The following ADAMTSL1 variants were observed in gnomAD, a reference collection of about 807,000 sequenced individuals.
The protein encoded by ADAMTSL1 is ADAMTS-like protein 1.
ADAMTSL1 carries 126 observed loss-of-function variants against 201.8 expected under a neutral mutation model. The ratio of observed to expected loss-of-function variants is 0.62; its 90% CI spans 0.54 to 0.72. The LOEUF is 0.72. ADAMTSL1 is among the 30% of genes least tolerant of loss of function. The probability of loss-of-function intolerance (pLI) is 0.00; values close to 1 mark genes in which losing one functional copy is unlikely to be tolerated. For missense variants in ADAMTSL1, 2,679 were observed against 2,277.8 expected (o/e 1.18, Z -3.59); for synonymous variants, 1,121 against 903.4 (o/e 1.24, Z -4.32).
At chr9:18,304,825 T>A (rs910747373) in intron 2 of ADAMTSL1, among the ~76,000 whole-genome samples, 2 of 152,142 alleles carry the variant, frequency 1.3e-5, no homozygotes, top group South Asian at 2.1e-4. Flanking sequence ...ATTAGGAAAG[T>A]TTTTACTATA....
chr9:18,027,334 T>C (rs557080207), intron 1 of ADAMTSL1, among the ~76,000 whole-genome samples: 3 of 152,082 alleles, frequency 2.0e-5, no homozygotes, highest in Non-Finnish European at 4.4e-5. Flanking sequence ...TTCTAACTTC[T>C]TGATGTAGGT....
intron 2 of ADAMTSL1, among the ~76,000 whole-genome samples, chr9:18,319,698 G>A (rs994468964): frequency 6.6e-6 from 1 of 152,158 alleles, no homozygotes; most frequent in Non-Finnish European, 1.5e-5. Flanking sequence ...ATTTCACATG[G>A]AAGAACAACT....
At chr9:18,371,442 G>T (rs1037372679) in intron 2 of ADAMTSL1, among the ~76,000 whole-genome samples, 1 of 152,142 alleles carries the variant, frequency 6.6e-6, no homozygotes, top group Non-Finnish European at 1.5e-5. Context: ...AGACACAAGA[G>T]GGAGGTCTTT....
At chr9:17,992,108 G>C (rs542072933) in intron 1 of ADAMTSL1, among the ~76,000 whole-genome samples, 1 of 152,188 alleles carries the variant, frequency 6.6e-6, no homozygotes, top group Non-Finnish European at 1.5e-5. Flanking sequence ...TTTCTCACGG[G>C]CCATATAGAG....
chr9:18,254,948 A>C (rs1177869864), intron 2 of ADAMTSL1, among the ~76,000 whole-genome samples: 2 of 152,116 alleles, frequency 1.3e-5, no homozygotes, highest in Middle Eastern at 3.2e-3. Context: ...CAATTTTCCA[A>C]AGCCAGCTCA....
At chr9:18,089,064 A>T (rs1465034613) in intron 1 of ADAMTSL1, among the ~76,000 whole-genome samples, 1 of 152,236 alleles carries the variant, frequency 6.6e-6, no homozygotes, top group African/African-American at 2.4e-5. Flanking sequence ...TTTAAAAAGA[A>T]GAAAATGAAC....
chr9:17,947,497 T>G lies in ADAMTSL1; in HGVS notation c.87+40575T>G, dbSNP rs561834377. On this transcript the variant is annotated intron_variant, in intron 1 of 29. Transcript: ENST00000680146. ...ACTAGGATGCTGTATTCTACCAAAT[T>G]TTTGTTTTGTATTTGTATCACAAAA... is the stretch of plus-strand genomic sequence containing the variant. Among the ~76,000 whole-genome samples the G allele has an allele frequency of 3.9e-3, 590 of 152,212 alleles. 5 individuals are homozygous for G. The highest frequency in any genetic ancestry group is 0.037 in the South Asian group (178 of 4,826).
intron 1 of ADAMTSL1, among the ~76,000 whole-genome samples, chr9:18,090,807 A>G (rs942333124): frequency 5.3e-5 from 8 of 152,254 alleles, no homozygotes; most frequent in Non-Finnish European, 7.4e-5. Context: ...CCTGCTTGAC[A>G]TTTAAGACCC....
At chr9:18,255,182 G>A (rs566419392) in intron 2 of ADAMTSL1, among the ~76,000 whole-genome samples, 3 of 152,282 alleles carry the variant, frequency 2.0e-5, no homozygotes, top group South Asian at 4.1e-4. Flanking sequence ...TGTCCTGGCT[G>A]TCAAGGGATG....
rs758209178 is a variant in ADAMTSL1, at chr9:18,777,732, G to A, written c.3503G>A (p.Arg1168His). 2 of 1,613,548 alleles carry A rather than the reference G, an allele frequency of 1.2e-6. No homozygotes were observed. Among genetic ancestry groups the A allele is most frequent in the African/African-American group, 1.3e-5 (1 of 75,064 alleles). ...CCACACCGCAAGCCCACCATCCTGC[G>A]CAAGATCTCAGCGGCCCAGCAGCTC... ...RRPHRKPTIL[R>H]KISAAQQLSA... The change falls in exon 19 of 29, where the codon CGC becomes CAC. Residue 1168 changes from arginine (R) to histidine (H), a missense_variant. Transcript: ENST00000380548.
chr9:18,395,995 T>C (rs1817738364), intron 2 of ADAMTSL1, among the ~76,000 whole-genome samples: 1 of 152,198 alleles, frequency 6.6e-6, no homozygotes, highest in South Asian at 2.1e-4. Context: ...AAGGAAACCT[T>C]TGATGCTAAT....
At chr9:18,359,833 C>G (rs1009630733) in intron 2 of ADAMTSL1, among the ~76,000 whole-genome samples, 2 of 118,842 alleles carry the variant, frequency 1.7e-5, no homozygotes, top group East Asian at 3.2e-4. Context: ...ACCCGCCCCC[C>G]CGCCCACACA....
intron 14 of ADAMTSL1, chr9:18,718,001 C>T (rs948428584): frequency 3.8e-6 from 6 of 1,591,668 alleles, no homozygotes; most frequent in Admixed American, 3.3e-5. Context: ...TGACTTTTTG[C>T]GAGCCTTCCC....
intron 1 of ADAMTSL1, among the ~76,000 whole-genome samples, chr9:18,053,916 C>T (rs976000062): frequency 6.6e-6 from 1 of 152,010 alleles, no homozygotes; most frequent in Non-Finnish European, 1.5e-5. Flanking sequence ...TGTTGGTGTG[C>T]ACCTTTCACT....
chr9:18,211,402 C>T (rs1320837608), intron 2 of ADAMTSL1, among the ~76,000 whole-genome samples: 1 of 152,096 alleles, frequency 6.6e-6, no homozygotes. Context: ...AATGAACAGC[C>T]ACCTACAATT....
intron 2 of ADAMTSL1, among the ~76,000 whole-genome samples, chr9:18,233,982 C>T (rs1222472056): frequency 1.3e-5 from 2 of 152,162 alleles, no homozygotes; most frequent in African/African-American, 4.8e-5. Context: ...TTCTGGCCAA[C>T]ATGTGAGCAC....
chr9:18,242,233 C>G (rs1702166998), intron 2 of ADAMTSL1, among the ~76,000 whole-genome samples: 1 of 152,140 alleles, frequency 6.6e-6, no homozygotes, highest in Admixed American at 6.5e-5. Flanking sequence ...TGTAATATAT[C>G]ATGTTAACTG....
chr9:18,270,570 C>T (rs914837168), intron 2 of ADAMTSL1, among the ~76,000 whole-genome samples: 1 of 152,024 alleles, frequency 6.6e-6, no homozygotes, highest in African/African-American at 2.4e-5. Flanking sequence ...CTATATAATG[C>T]CTTATTAATA....
At chr9:18,550,427 A>G (rs1027138537) in intron 3 of ADAMTSL1, among the ~76,000 whole-genome samples, 1 of 151,968 alleles carries the variant, frequency 6.6e-6, no homozygotes, top group Non-Finnish European at 1.5e-5. Context: ...GCATTCATGT[A>G]CTGTTGTTAT....
Sources: gnomAD v4.1 joint callset for allele counts (sites outside exome capture counted in the v4.1 genomes callset) on GRCh38, gnomAD v4.1.1 for gene constraint, MANE v1.5 for transcripts, NCBI Gene and HGNC (gene_info 2026-07-23, HGNC 2026-07-21) for gene names.